The following SFMBT1 variants were observed in gnomAD, a reference collection of about 807,000 sequenced individuals.
SFMBT1 encodes Scm like with four mbt domains 1, also known as scm-like with four MBT domains protein 1.
In SFMBT1, 32 loss-of-function variants were observed where a neutral mutation model predicts 108.7. The observed-to-expected ratio is 0.29, with a 90% CI of 0.22 to 0.40. The LOEUF is 0.40. SFMBT1 is among the 10% of genes least tolerant of loss of function. The pLI, the probability that SFMBT1 is intolerant of heterozygous loss-of-function variation, is 1.00. For missense variants in SFMBT1, 816 were observed against 1,059.6 expected (o/e 0.77, Z 3.19); for synonymous variants, 348 against 369.5 (o/e 0.94, Z 0.67).
Position 52,913,668 on chromosome 3 carries a change from G to A in SFMBT1, c.1481-51C>T, listed in dbSNP as rs761966467. On this transcript the variant is annotated intron_variant, in intron 14 of 20. Transcript: ENST00000394752. ...TCAAAACAGTCATTCTCTACCCCAC[G>A]TTTCCAAAGCTGAACTGCCAGGGAA... 4.3e-5 allele frequency: 68 copies of A among 1,589,426 alleles called. No individual in the cohort carries two copies. The South Asian group carries it at 5.5e-4, about 13-fold the overall frequency.
chr3:53,033,128 C>T (rs1452734823), intron 1 of SFMBT1, among the ~76,000 whole-genome samples: 9 of 151,678 alleles, frequency 5.9e-5, no homozygotes. Context: ...GGCAACAGAG[C>T]AAGACCCTGC....
Position 52,997,511 on chromosome 3 carries a change from G to A in SFMBT1, c.-130-28253C>T, listed in dbSNP as rs998826267. ...AGATCATGCCACTGCACTCCAGCCT[G>A]GGTGACAGAGCGAGAGTCCATCTCA... is the stretch of plus-strand genomic sequence containing the variant. On this transcript the variant is annotated intron_variant, in intron 1 of 20. Coordinates refer to ENST00000394752, the MANE Select transcript of SFMBT1 (RefSeq NM_016329.4). 6.7e-5 allele frequency among the ~76,000 whole-genome samples: 10 copies of A among 149,510 alleles called. 1 individual carries two copies. The highest frequency in any genetic ancestry group is 5.4e-4 in the Admixed American group (8 of 14,788).
At chr3:52,928,156 C>T in intron 9 of SFMBT1, 35 bp downstream of exon 9, 2 of 1,593,962 alleles carry the variant, frequency 1.3e-6, no homozygotes, top group Non-Finnish European at 1.7e-6. Context: ...AGGAGAAGCT[C>T]TCAAGTGACA....
At chr3:52,923,213 T>TTG (rs1702567326) in intron 10 of SFMBT1, among the ~76,000 whole-genome samples, 1 of 152,000 alleles carries the variant, frequency 6.6e-6, no homozygotes, top group African/African-American at 2.4e-5. Context: ...GGTGTGTGTG[T>TTG]GGGGGGTGGA....
intron 1 of SFMBT1, among the ~76,000 whole-genome samples, chr3:53,034,711 C>A (rs1575452876): frequency 6.6e-6 from 1 of 151,860 alleles, no homozygotes; most frequent in South Asian, 2.1e-4. Flanking sequence ...CTGAGGCGGG[C>A]AGATCACTTG....
At chr3:53,023,753 C>T in intron 1 of SFMBT1, among the ~76,000 whole-genome samples, 1 of 152,174 alleles carries the variant, frequency 6.6e-6, no homozygotes, top group East Asian at 1.9e-4. Flanking sequence ...TTGTAGGCAC[C>T]TTCTCCCTTT....
intron 1 of SFMBT1, among the ~76,000 whole-genome samples, chr3:52,976,110 C>T (rs1163065631): frequency 1.3e-5 from 2 of 150,992 alleles, no homozygotes; most frequent in Non-Finnish European, 3.0e-5. Flanking sequence ...TTCCTTCTAT[C>T]AAAATATTAA....
chr3:52,908,894 CTTGA>C (rs1702147328), intron 17 of SFMBT1, among the ~76,000 whole-genome samples: 1 of 152,144 alleles, frequency 6.6e-6, no homozygotes, highest in African/African-American at 2.4e-5. Context: ...ATGCCACACT[CTTGA>C]TTATTATAAC....
At chr3:53,033,181 G>C (rs575916495) in intron 1 of SFMBT1, among the ~76,000 whole-genome samples, 3 of 150,418 alleles carry the variant, frequency 2.0e-5, no homozygotes, top group African/African-American at 7.3e-5. Context: ...TTTTTTTTGA[G>C]ATGGAGTCTT....
chr3:52,996,498 G>A (rs545118104), intron 1 of SFMBT1, among the ~76,000 whole-genome samples: 1 of 150,024 alleles, frequency 6.7e-6, no homozygotes, highest in East Asian at 2.0e-4. Context: ...TAGGCATGAG[G>A]CACCACACCC....
chr3:52,981,373 A>AT (rs71278609), intron 1 of SFMBT1, among the ~76,000 whole-genome samples: 14,572 of 151,652 alleles, frequency 0.096, 712 homozygotes, highest in African/African-American at 0.11. Flanking sequence ...TTTCTGTGGA[A>AT]TTTTTTTGAG....
chr3:53,037,614 C>A (rs1033438951), intron 1 of SFMBT1, among the ~76,000 whole-genome samples: 87 of 152,154 alleles, frequency 5.7e-4, no homozygotes, highest in Non-Finnish European at 5.9e-5. Context: ...AATAATACAC[C>A]CGAAGTTTCT....
chr3:53,002,681 T>C (rs1044043064), intron 1 of SFMBT1, among the ~76,000 whole-genome samples: 1 of 150,074 alleles, frequency 6.7e-6, no homozygotes, highest in Non-Finnish European at 1.5e-5. Context: ...CTACAGTCAT[T>C]GGGCTCAAGA....
chr3:53,029,312 G>A (rs557697425), intron 1 of SFMBT1, among the ~76,000 whole-genome samples: 4 of 152,188 alleles, frequency 2.6e-5, no homozygotes, highest in Admixed American at 2.0e-4. Context: ...TTATTGAAGG[G>A]TTATAAATAT....
chr3:52,905,991 G>T lies in SFMBT1; in HGVS notation c.2460+122C>A, dbSNP rs765526271. The T allele has an allele frequency of 7.6e-5, 87 of 1,145,012 alleles. 1 individual carries two copies. Among genetic ancestry groups the T allele is most frequent in the Non-Finnish European group, 9.8e-5 (80 of 813,392 alleles). The allele number at this position is 1,145,012 out of a possible 1,614,324, so 70.9% of individuals were successfully genotyped here. A position where few individuals can be genotyped will look rare whatever the true frequency, so the allele number is the denominator to read the frequency against. Reference sequence around the variant, plus strand: ...CTTTGACTCCTAAAAATGGAATTAAGACAATTCTTGTCTTTTGGATCAAAA... The same window carrying T: ...CTTTGACTCCTAAAAATGGAATTAATACAATTCTTGTCTTTTGGATCAAAA... On this transcript the variant is annotated intron_variant, in intron 20 of 20. Coordinates refer to ENST00000394752, the MANE Select transcript of SFMBT1 (RefSeq NM_016329.4).
chr3:53,041,698 C>CAGAA (rs1700060024), intron 1 of SFMBT1, among the ~76,000 whole-genome samples: 1 of 44,114 alleles, frequency 2.3e-5, no homozygotes, highest in Non-Finnish European at 4.0e-5. Flanking sequence ...AAGTCTGTCT[C>CAGAA]AAAAAAAAAA....
intron 10 of SFMBT1, 48 bp downstream of exon 10, chr3:52,925,983 G>T: frequency 7.3e-7 from 1 of 1,361,398 alleles, no homozygotes; most frequent in Non-Finnish European, 9.6e-7. Flanking sequence ...AAGCACAGCA[G>T]TCCCTGCAGC....
At chr3:52,940,776 C>CA (rs760775099) in intron 4 of SFMBT1, among the ~76,000 whole-genome samples, 94 of 151,988 alleles carry the variant, frequency 6.2e-4, no homozygotes, top group Admixed American at 1.4e-3. Flanking sequence ...AACTAAAAAG[C>CA]AAAAAATAAT....
chr3:52,957,823 A>C (rs1191588724), intron 2 of SFMBT1, among the ~76,000 whole-genome samples: 1 of 152,250 alleles, frequency 6.6e-6, no homozygotes, highest in African/African-American at 2.4e-5. Context: ...GATGCATTAA[A>C]GACTTAAATG....
Sources: gnomAD v4.1 joint callset for allele counts (sites outside exome capture counted in the v4.1 genomes callset) on GRCh38, gnomAD v4.1.1 for gene constraint, MANE v1.5 for transcripts, NCBI Gene and HGNC (gene_info 2026-07-23, HGNC 2026-07-21) for gene names.